The following ARHGAP35 variants were observed in gnomAD, a reference collection of about 807,000 sequenced individuals.
ARHGAP35 encodes Rho GTPase activating protein 35.
ARHGAP35 carries 15 observed loss-of-function variants against 111.1 expected under a neutral mutation model. That is an observed-to-expected ratio of 0.13 (90% CI 0.09 to 0.21). ARHGAP35 has a LOEUF of 0.21. ARHGAP35 is among the 10% of genes least tolerant of loss of function. The pLI is 1.00. For synonymous variants in ARHGAP35, 643 were observed against 710.3 expected (o/e 0.91, Z 1.51); for missense variants, 1,262 against 1,873.0 (o/e 0.67, Z 6.02).
chr19:46,929,383 G>A (rs1445830120), intron 2 of ARHGAP35, among the ~76,000 whole-genome samples: 1 of 152,096 alleles, frequency 6.6e-6, no homozygotes, highest in Non-Finnish European at 1.5e-5. Context: ...GTGGTTTAGG[G>A]AACAGCTGTA....
chr19:46,961,139 C>T (rs1041041677), intron 3 of ARHGAP35, among the ~76,000 whole-genome samples: 20 of 152,182 alleles, frequency 1.3e-4, no homozygotes, highest in African/African-American at 4.6e-4. Context: ...AGGTGATCCG[C>T]CCGCCTCAGC....
At chr19:46,966,743 G>A (rs899714776) in intron 3 of ARHGAP35, among the ~76,000 whole-genome samples, 2 of 152,176 alleles carry the variant, frequency 1.3e-5, no homozygotes, top group African/African-American at 4.8e-5. Flanking sequence ...GGCCTATCAA[G>A]TACAAGGCAT....
At chr19:46,861,322 T>G (rs2055825101) in intron 1 of ARHGAP35, among the ~76,000 whole-genome samples, 113 bp downstream of exon 1, 1 of 144,956 alleles carries the variant, frequency 6.9e-6, no homozygotes. Context: ...ATGGAGGAGC[T>G]GGAGGGGGAG....
rs942531056 is a variant in ARHGAP35 at position 46,999,565 on chromosome 19, C to T, written c.4142+156C>T. 1.2e-5 allele frequency: 7 copies of T among 607,194 alleles called. No individual in the cohort carries two copies. The highest frequency in any genetic ancestry group is 7.4e-5 in the African/African-American group (4 of 53,914). The allele number at this position is 607,194 out of a possible 1,614,324, so 37.6% of individuals were successfully genotyped here. A position where few individuals can be genotyped will look rare whatever the true frequency, so the allele number is the denominator to read the frequency against. Reference sequence around the variant, plus strand: ...GGCCTCCCATGGTGCCCGCTGGTCTCGGTGCCCAGAGCCTCTGCCTCTCGC... The same window carrying T: ...GGCCTCCCATGGTGCCCGCTGGTCTTGGTGCCCAGAGCCTCTGCCTCTCGC... On this transcript the variant is annotated intron_variant, in intron 6 of 6. Transcript: ENST00000672722. This position sits in a 1 kb window ranked among gnomAD's most constrained non-coding sequence, Gnocchi z 5.4.
chr19:46,881,400 G>C (rs1248006851), intron 1 of ARHGAP35, among the ~76,000 whole-genome samples: 1 of 152,172 alleles, frequency 6.6e-6, no homozygotes, highest in African/African-American at 2.4e-5. Flanking sequence ...AATTACTCCT[G>C]GATACATGGA....
intron 1 of ARHGAP35, among the ~76,000 whole-genome samples, chr19:46,913,794 T>G (rs1416903083): frequency 1.3e-5 from 2 of 152,220 alleles, no homozygotes; most frequent in African/African-American, 4.8e-5. Context: ...GTTTTAACTC[T>G]TCCATTTAAA....
chr19:46,884,734 G>A (rs181574507), intron 1 of ARHGAP35, among the ~76,000 whole-genome samples: 3 of 151,722 alleles, frequency 2.0e-5, no homozygotes, highest in Non-Finnish European at 4.4e-5. Flanking sequence ...CAATTCCCCC[G>A]CGTAGGCCTC....
At chr19:46,964,848 C>A (rs190698548) in intron 3 of ARHGAP35, among the ~76,000 whole-genome samples, 1 of 152,288 alleles carries the variant, frequency 6.6e-6, no homozygotes, top group East Asian at 1.9e-4. Context: ...TAAAAACTTG[C>A]AGAAATGAAC....
chr19:46,874,768 G>A (rs368132320), intron 1 of ARHGAP35, among the ~76,000 whole-genome samples: 4 of 146,062 alleles, frequency 2.7e-5, no homozygotes, highest in Non-Finnish European at 6.0e-5. Context: ...CTCCCAAAGC[G>A]CTAGGATACA....
intron 1 of ARHGAP35, among the ~76,000 whole-genome samples, chr19:46,910,844 GC>G (rs2056134103): frequency 6.6e-6 from 1 of 152,114 alleles, no homozygotes; most frequent in African/African-American, 2.4e-5. Flanking sequence ...ACCCACCTCA[GC>G]CTCCCAAAGT....
At position 46,894,731 on chromosome 19, in the gene ARHGAP35, C is replaced by G. The variant is rs2056044729; in HGVS notation, c.-188-23757C>G. Among the ~76,000 whole-genome samples, 3 of 152,268 alleles carry G rather than the reference C, an allele frequency of 2.0e-5. No homozygotes were observed. In the South Asian group the frequency reaches 6.2e-4, roughly 32 times the overall value. On this transcript the variant is annotated intron_variant, in intron 1 of 6. Coordinates refer to ENST00000672722, the MANE Select transcript of ARHGAP35 (RefSeq NM_004491.5). ...AAAATGCTGGGATTACAGGTGCAAG[C>G]CACCACGCCCGGCCATACTTTTAGT... is the stretch of plus-strand genomic sequence containing the variant.
intron 5 of ARHGAP35, among the ~76,000 whole-genome samples, chr19:46,996,156 C>A (rs2056706324): frequency 6.6e-6 from 1 of 152,130 alleles, no homozygotes; most frequent in Admixed American, 6.5e-5. Flanking sequence ...CAGGCTGGAG[C>A]ACAGTGGCAC....
At chr19:46,963,050 A>G (rs1463024657) in intron 3 of ARHGAP35, among the ~76,000 whole-genome samples, 2 of 152,194 alleles carry the variant, frequency 1.3e-5, no homozygotes, top group Non-Finnish European at 2.9e-5. Flanking sequence ...GAATAAAAAT[A>G]AAGCAGATTT....
In ARHGAP35 at chr19:46,921,169, C is replaced by G; in HGVS notation, c.2494C>G (p.Arg832Gly). Residue 832 changes from arginine to glycine, a missense_variant, in exon 2 of 7, where the codon CGG (arginine) becomes GGG (glycine). Physicochemically the swap from Arg to Gly is moderately radical, Grantham distance 125. This residue lies in a region of ARHGAP35 where 579 missense variants were observed against 716.9 expected (regional missense o/e 0.81). Transcript: ENST00000672722. This position sits in a 1 kb window ranked among gnomAD's most constrained non-coding sequence, Gnocchi z 4.3. ...LELPIGLHKK[R>G]IELSVLSYHS... Reference sequence around the variant, plus strand: ...ACTACCAATCGGACTGCACAAGAAGCGGATTGAACTGTCTGTTCTTTCATA... The same window carrying G: ...ACTACCAATCGGACTGCACAAGAAGGGGATTGAACTGTCTGTTCTTTCATA... 1.2e-6 allele frequency: 2 copies of G among 1,614,002 alleles called. No homozygotes were observed. Among genetic ancestry groups the G allele is most frequent in the South Asian group, 1.1e-5 (1 of 91,080 alleles).
intron 1 of ARHGAP35, among the ~76,000 whole-genome samples, chr19:46,879,831 A>G (rs1179608269): frequency 6.7e-6 from 1 of 148,708 alleles, no homozygotes; most frequent in Non-Finnish European, 1.5e-5. Context: ...AACCCCTGTG[A>G]CCCCAGCACT....
chr19:46,928,441 C>T (rs1337471773), intron 2 of ARHGAP35, among the ~76,000 whole-genome samples: 4 of 152,148 alleles, frequency 2.6e-5, no homozygotes, highest in African/African-American at 9.7e-5. Flanking sequence ...TTGAGAGAAG[C>T]AAGCAATAAG....
At chr19:46,871,277 T>C (rs1229106524) in intron 1 of ARHGAP35, among the ~76,000 whole-genome samples, 2 of 152,254 alleles carry the variant, frequency 1.3e-5, no homozygotes, top group Admixed American at 1.3e-4. Context: ...GAAATGGGAC[T>C]GGTATTGAAA....
At chr19:46,873,946 C>T (rs1373940258) in intron 1 of ARHGAP35, among the ~76,000 whole-genome samples, 14 of 152,122 alleles carry the variant, frequency 9.2e-5, no homozygotes. Context: ...CGGGGTTTCC[C>T]CATGTTAGTG....
intron 3 of ARHGAP35, among the ~76,000 whole-genome samples, chr19:46,978,252 T>C (rs2056589757): frequency 6.6e-6 from 1 of 152,156 alleles, no homozygotes; most frequent in African/African-American, 2.4e-5. Flanking sequence ...TATTCTTTCT[T>C]AGGGAAGAGA....
Sources: gnomAD v4.1 joint callset for allele counts (sites outside exome capture counted in the v4.1 genomes callset) on GRCh38, gnomAD v4.1.1 for gene constraint, gnomAD v4.1.1 regional missense constraint, Gnocchi (gnomAD v3.1) non-coding constraint, MANE v1.5 for transcripts, NCBI Gene and HGNC (gene_info 2026-07-23, HGNC 2026-07-21) for gene names.